The following SHH variants were observed in gnomAD, a reference collection of about 807,000 sequenced individuals.
SHH encodes sonic hedgehog protein.
Under a neutral mutation model 16.6 loss-of-function variants are expected in SHH, and 3 were observed. The observed-to-expected ratio is 0.18, with a 90% confidence interval of 0.08 to 0.47. The LOEUF (loss-of-function observed/expected upper bound fraction) is 0.47, where lower values mean the gene tolerates loss of function less well. Ranked by LOEUF, SHH falls within the 20% of genes least tolerant of loss-of-function variation. The pLI is 0.98. For missense variants in SHH, 499 were observed against 665.0 expected (o/e 0.75, Z 2.75); for synonymous variants, 351 against 316.2 (o/e 1.11, Z -1.17).
chr7:155,800,327 C>A lies in SHH; in HGVS notation c.*2573G>T. The A allele has an allele frequency of 2.3e-6, 1 of 427,832 alleles. No homozygotes were observed. The highest frequency in any genetic ancestry group is 4.7e-6 in the Non-Finnish European group (1 of 211,150). The allele number at this position is 427,832 out of a possible 1,614,324, so 26.5% of individuals were successfully genotyped here. A position where few individuals can be genotyped will look rare whatever the true frequency, so the allele number is the denominator to read the frequency against. On this transcript the variant is annotated 3_prime_UTR_variant, in exon 3 of 3. Transcript: ENST00000297261. ...CAGGAGGGCTGGGGACAGCACCCAG[C>A]AGCACGGACACTCTGCCACCGGGCC...
rs965404903 is a variant in SHH at position 155,801,725 on chromosome 7, G to T, written c.*1175C>A. On this transcript the variant is annotated 3_prime_UTR_variant, in exon 3 of 3. Coordinates refer to ENST00000297261, the MANE Select transcript of SHH (RefSeq NM_000193.4). The stretch of plus-strand genomic sequence containing the variant: ...CAGTCAGTCTGAGTTCACAGTATAA[G>T]CAACACATCTAAATAGAATATTGGG... 5.9e-5 allele frequency: 9 copies of T among 152,178 alleles called. No homozygotes were observed. Among genetic ancestry groups the T allele is most frequent in the African/African-American group, 2.2e-4 (9 of 41,430 alleles). 9.4% of individuals were successfully genotyped at this position (152,178 alleles called of 1,614,324 possible).
At chr7:155,804,558 C>A (rs1413165202) in intron 2 of SHH, among the ~76,000 whole-genome samples, 3 of 150,540 alleles carry the variant, frequency 2.0e-5, no homozygotes, top group African/African-American at 4.9e-5. Context: ...CAGGTGCAAC[C>A]CCCCCCCACC....
In SHH at chr7:155,811,767, C is replaced by T. The variant is rs1803527773; in HGVS notation, c.300+56G>A. On this transcript the variant is annotated intron_variant, in intron 1 of 2. Coordinates refer to ENST00000297261, the MANE Select transcript of SHH (RefSeq NM_000193.4). ...CAGAGTTAAGTCTGGAAGTGTTCGGCTTCTCGTAACCCCCTGGAAAGCCAC... is the reference window on the plus strand; with the variant it reads ...CAGAGTTAAGTCTGGAAGTGTTCGGTTTCTCGTAACCCCCTGGAAAGCCAC... 4.5e-6 allele frequency: 7 copies of T among 1,552,482 alleles called. No homozygotes were observed. The South Asian group carries it at 6.7e-5, about 15-fold the overall frequency.
Position 155,800,191 on chromosome 7 carries a change from C to T in SHH, c.*2709G>A, listed in dbSNP as rs1357300247. ...GCCTCGTCCTGGCGGGGCTGGGCTGCACCCTCTTGATGCCCTGTACCTAGT... is the reference window on the plus strand; with the variant it reads ...GCCTCGTCCTGGCGGGGCTGGGCTGTACCCTCTTGATGCCCTGTACCTAGT... On this transcript the variant is annotated 3_prime_UTR_variant, in exon 3 of 3. Transcript: ENST00000297261. 1 of 471,214 alleles carries T rather than the reference C, an allele frequency of 2.1e-6. No homozygotes were observed. Among genetic ancestry groups the T allele is most frequent in the South Asian group, 1.5e-5 (1 of 64,574 alleles). 29.2% of individuals were successfully genotyped at this position (471,214 alleles called of 1,614,324 possible). A position where few individuals can be genotyped will look rare whatever the true frequency, so the allele number is the denominator to read the frequency against.
rs1314262241 is a variant in SHH, at chr7:155,800,852, G to A, written c.*2048C>T. 8.6e-6 allele frequency: 3 copies of A among 347,834 alleles called. No individual in the cohort carries two copies. The highest frequency in any genetic ancestry group is 1.7e-5 in the Non-Finnish European group (3 of 175,532). The allele number at this position is 347,834 out of a possible 1,614,324, so 21.5% of individuals were successfully genotyped here. ...AACCTCGGGAGCCAGCCCCTGCCAG[G>A]TGGGGCTGAAGTCTGTTCACTCCTG... On this transcript the variant is annotated 3_prime_UTR_variant, in exon 3 of 3. Transcript: ENST00000297261.
In SHH at chr7:155,800,189, T is replaced by C. The variant is rs764431798; in HGVS notation, c.*2711A>G. 3 of 471,090 alleles carry C rather than the reference T, an allele frequency of 6.4e-6. No individual in the cohort carries two copies. The highest frequency in any genetic ancestry group is 4.6e-5 in the South Asian group (3 of 64,578). The allele number at this position is 471,090 out of a possible 1,614,324, so 29.2% of individuals were successfully genotyped here. ...GCGCCTCGTCCTGGCGGGGCTGGGC[T>C]GCACCCTCTTGATGCCCTGTACCTA... On this transcript the variant is annotated 3_prime_UTR_variant, in exon 3 of 3. Transcript: ENST00000297261.
Position 155,806,416 on chromosome 7 carries a change from T to G in SHH, c.442A>C (p.Ile148Leu), listed in dbSNP as rs745948696. 8 of 1,613,808 alleles carry G rather than the reference T, an allele frequency of 5.0e-6. No homozygotes were observed. The highest frequency in any genetic ancestry group is 4.2e-6 in the Non-Finnish European group (5 of 1,180,034). Residue 148 changes from isoleucine (I) to leucine (L), a missense_variant, in exon 2 of 3, where the codon ATC (isoleucine) becomes CTC (leucine). Physicochemically the swap from Ile to Leu is conservative, Grantham distance 5. Coordinates refer to ENST00000297261, the MANE Select transcript of SHH (RefSeq NM_000193.4). ...CTGCGGTCGCGGTCAGACGTGGTGA[T>G]GTCCACTGCGCGGCCCTCGTAGTGC... ...SLHYEGRAVD[I>L]TTSDRDRSKY...
chr7:155,804,159 C>T (rs1803285046), intron 2 of SHH, among the ~76,000 whole-genome samples: 1 of 151,554 alleles, frequency 6.6e-6, no homozygotes, highest in Non-Finnish European at 1.5e-5. Context: ...CTCCTTCCCT[C>T]CCGCCCCGGC....
Position 155,807,571 on chromosome 7 carries a change from G to T in SHH, c.301-1014C>A, listed in dbSNP as rs577242234. On this transcript the variant is annotated intron_variant, in intron 1 of 2. Coordinates refer to ENST00000297261, the MANE Select transcript of SHH (RefSeq NM_000193.4). This position sits in a 1 kb window ranked among gnomAD's most constrained non-coding sequence, Gnocchi z 7.1. ...CACTGACTAGGCAGATGCAGACGGG[G>T]TTACCTGGGATTCAGATTGTGGGGG... Among the ~76,000 whole-genome samples the T allele has an allele frequency of 3.3e-5, 5 of 152,314 alleles. No homozygotes were observed. Among genetic ancestry groups the T allele is most frequent in the South Asian group, 2.1e-4 (1 of 4,814 alleles).
intron 2 of SHH, among the ~76,000 whole-genome samples, chr7:155,805,861 C>CGG (rs1803345319): frequency 1.3e-5 from 2 of 152,202 alleles, no homozygotes; most frequent in Non-Finnish European, 2.9e-5. Context: ...ACGCGGGCTC[C>CGG]GGGGCAGGAT....
chr7:155,805,162 AG>A (rs1413267378), intron 2 of SHH, among the ~76,000 whole-genome samples: 2 of 151,548 alleles, frequency 1.3e-5, no homozygotes, highest in Non-Finnish European at 2.9e-5. Context: ...GACCCCCGCT[AG>A]GGGGACCCCG....
chr7:155,802,240 C>T lies in SHH; in HGVS notation c.*660G>A, dbSNP rs1803201578. The T allele has an allele frequency of 6.6e-6, 1 of 151,970 alleles. No individual in the cohort carries two copies. The highest frequency in any genetic ancestry group is 2.1e-4 in the South Asian group (1 of 4,820). The allele number at this position is 151,970 out of a possible 1,614,324, so 9.4% of individuals were successfully genotyped here. ...GAGGAGATGGCTGTTACATCGGAAACTAGTTAAATTAAAATAATATATTTT... is the reference window on the plus strand; with the variant it reads ...GAGGAGATGGCTGTTACATCGGAAATTAGTTAAATTAAAATAATATATTTT... On this transcript the variant is annotated 3_prime_UTR_variant, in exon 3 of 3. Coordinates refer to ENST00000297261, the MANE Select transcript of SHH (RefSeq NM_000193.4).
rs76171006 is a variant in SHH, at chr7:155,802,503, G to A, written c.*397C>T. 4.1e-3 allele frequency: 639 copies of A among 157,532 alleles called. 2 individuals are homozygous for A. The highest frequency in any genetic ancestry group is 7.0e-3 in the Non-Finnish European group (501 of 71,670). 9.8% of individuals were successfully genotyped at this position (157,532 alleles called of 1,614,324 possible). A position where few individuals can be genotyped will look rare whatever the true frequency, so the allele number is the denominator to read the frequency against. On this transcript the variant is annotated 3_prime_UTR_variant, in exon 3 of 3. Coordinates refer to ENST00000297261, the MANE Select transcript of SHH (RefSeq NM_000193.4). ...AAATAGACTCTGAGCAGGTTGCTTG[G>A]CCTCACAAAATAATCTTTCCCCCGT...
rs1803259288 is a variant in SHH at position 155,803,511 on chromosome 7, G to T, written c.778C>A (p.Pro260Thr). 1.3e-6 allele frequency: 2 copies of T among 1,580,232 alleles called. No individual in the cohort carries two copies. The highest frequency in any genetic ancestry group is 1.7e-6 in the Non-Finnish European group (2 of 1,168,418). ...KVFYVIETRE[P>T]RERLLLTAAH... ...GCGGTGAGCAGCAGGCGCTCGCGCGGCTCCCGCGTCTCGATCACGTAGAAG... is the reference window on the plus strand; with the variant it reads ...GCGGTGAGCAGCAGGCGCTCGCGCGTCTCCCGCGTCTCGATCACGTAGAAG... Residue 260 changes from proline (P) to threonine (T), a missense_variant, in exon 3 of 3, where the codon CCG becomes ACG. Transcript: ENST00000297261.
Position 155,802,865 on chromosome 7 carries a change from G to A in SHH, c.*35C>T, listed in dbSNP as rs768929857. 4.9e-5 allele frequency: 10 copies of A among 202,196 alleles called. No homozygotes were observed. The highest frequency in any genetic ancestry group is 4.2e-4 in the East Asian group (4 of 9,542). 12.5% of individuals were successfully genotyped at this position (202,196 alleles called of 1,614,324 possible). On this transcript the variant is annotated 3_prime_UTR_variant, in exon 3 of 3. Transcript: ENST00000297261. The stretch of plus-strand genomic sequence containing the variant: ...TGCGTTGCTGTTGCTGCCCCGCCCC[G>A]CCCCCTCCCGCGCCCCTCCCCCGGC...
intron 2 of SHH, among the ~76,000 whole-genome samples, 200 bp downstream of exon 2, chr7:155,806,096 G>T (rs1370369803): frequency 1.3e-5 from 2 of 152,236 alleles, no homozygotes; most frequent in South Asian, 2.1e-4. Flanking sequence ...AGAACCTTGG[G>T]CTCTGTGGCC....
rs1205186805 is a variant in SHH at position 155,803,304 on chromosome 7, G to A, written c.985C>T (p.Pro329Ser). 4.1e-6 allele frequency: 6 copies of A among 1,479,440 alleles called. No homozygotes were observed. The Admixed American group carries it at 1.2e-4, about 29-fold the overall frequency. 91.6% of individuals were successfully genotyped at this position (1,479,440 alleles called of 1,614,324 possible). Residue 329 changes from proline to serine, a missense_variant, in exon 3 of 3, where the codon CCC becomes TCC. Physicochemically the swap from Pro to Ser is moderately conservative, Grantham distance 74 (BLOSUM62 -1). Coordinates refer to ENST00000297261, the MANE Select transcript of SHH (RefSeq NM_000193.4). The stretch of plus-strand genomic sequence containing the variant: ...AGGGTCACGCTGTGCACAGCGGCGG[G>A]CAGGAGCCGGCGGTCCCCGTCACGC... ...AERDGDRRLL[P>S]AAVHSVTLSE...
intron 1 of SHH, among the ~76,000 whole-genome samples, chr7:155,810,599 T>A (rs1255733080): frequency 6.6e-6 from 1 of 152,182 alleles, no homozygotes; most frequent in Non-Finnish European, 1.5e-5. Flanking sequence ...CAGGACCATT[T>A]CCCATTCCTC....
In SHH at chr7:155,812,235, G is replaced by T; in HGVS notation, c.-113C>A. 9.7e-7 allele frequency: 1 copy of T among 1,029,258 alleles called. No homozygotes were observed. Among genetic ancestry groups the T allele is most frequent in the Non-Finnish European group, 1.5e-6 (1 of 664,084 alleles). The allele number at this position is 1,029,258 out of a possible 1,614,324, so 63.8% of individuals were successfully genotyped here. On this transcript the variant is annotated 5_prime_UTR_variant, in exon 1 of 3. Transcript: ENST00000297261. The stretch of plus-strand genomic sequence containing the variant: ...TCTTGCGCTTTCCCTTCCTCGCTCC[G>T]GCTCGCCCGCTCGCTCTCTCCCTCG...
Sources: allele counts gnomAD v4.1 joint callset (sites outside exome capture counted in the v4.1 genomes callset), GRCh38; gene constraint gnomAD v4.1.1; non-coding constraint Gnocchi (gnomAD v3.1); transcripts MANE v1.5; gene names NCBI Gene and HGNC (gene_info 2026-07-23, HGNC 2026-07-21).